Variants in NRAP observed in about 807,000 individuals in gnomAD.
NRAP encodes the protein nebulin-related-anchoring protein.
A neutral mutation model predicts 225.9 loss-of-function variants in NRAP; 189 were observed. The ratio of observed to expected loss-of-function variants is 0.84; its 90% CI spans 0.74 to 0.94. The LOEUF is 0.94. Among genes scored for constraint, NRAP ranks in the 40% least tolerant of loss-of-function variants. The probability of loss-of-function intolerance (pLI) is 0.00; values close to 1 mark genes in which losing one functional copy is unlikely to be tolerated. For synonymous variants in NRAP, 769 were observed against 790.7 expected (o/e 0.97, Z 0.46); for missense variants, 2,176 against 2,168.7 (o/e 1.00, Z -0.07).
At chr10:113,604,180 G>A (rs373688885) in intron 35 of NRAP, among the ~76,000 whole-genome samples, 30 of 152,192 alleles carry the variant, frequency 2.0e-4, no homozygotes, top group East Asian at 1.6e-3. Flanking sequence ...GCAGTGGCGC[G>A]ATCTCAGCTC....
Position 113,633,098 on chromosome 10 carries a change from T to C in NRAP, c.1618A>G (p.Lys540Glu). ...TGCTCTCTTACCTCACTGAAGAGTTTGGCATTGGTTTTGGCCTTCACCAGC... is the reference window on the plus strand; with the variant it reads ...TGCTCTCTTACCTCACTGAAGAGTTCGGCATTGGTTTTGGCCTTCACCAGC... ...PQLVKAKTNA[K>E]LFSEVKYKEG... Residue 540 changes from lysine to glutamate, a missense_variant, in exon 16 of 42, where the codon AAA becomes GAA. By Grantham distance (56) the Lys-to-Glu change is moderately conservative. Transcript: ENST00000359988. 1 of 1,575,900 alleles carries C rather than the reference T, an allele frequency of 6.3e-7. No individual in the cohort carries two copies. The highest frequency in any genetic ancestry group is 8.7e-7 in the Non-Finnish European group (1 of 1,145,368).
chr10:113,657,792 T>C (rs1564764961), intron 3 of NRAP, among the ~76,000 whole-genome samples: 1 of 152,184 alleles, frequency 6.6e-6, no homozygotes, highest in Non-Finnish European at 1.5e-5. Context: ...GTGAAGCTCT[T>C]TGAAGCAGTG....
At chr10:113,618,804 G>T (rs1398855671) in intron 25 of NRAP, among the ~76,000 whole-genome samples, 1 of 152,134 alleles carries the variant, frequency 6.6e-6, no homozygotes, top group East Asian at 1.9e-4. Flanking sequence ...GAATTAGCTG[G>T]GTGTGGTGGT....
chr10:113,620,402 A>G (rs975609953), intron 25 of NRAP, among the ~76,000 whole-genome samples: 1 of 151,966 alleles, frequency 6.6e-6, no homozygotes, highest in African/African-American at 2.4e-5. Context: ...TTTGTCACCC[A>G]CTTTGTTTTT....
chr10:113,653,993 T>C (rs1442165424), intron 5 of NRAP, 28 bp downstream of exon 5: 1 of 1,384,370 alleles, frequency 7.2e-7, no homozygotes, highest in Non-Finnish European at 1.0e-6. Flanking sequence ...GCTAAACCAA[T>C]TCCTAAAGCA....
chr10:113,589,209 C>CAAGAAAAGGGCCCTCT (rs1564686442), intron 41 of NRAP, 130 bp from the exon 42 acceptor site: 3 of 677,310 alleles, frequency 4.4e-6, no homozygotes, highest in Non-Finnish European at 4.9e-6. Flanking sequence ...TCCTTTTCCC[C>CAAGAAAAGGGCCCTCT]TCTTCTACCC....
intron 23 of NRAP, among the ~76,000 whole-genome samples, chr10:113,623,244 G>T (rs768055330): frequency 2.0e-5 from 3 of 152,146 alleles, no homozygotes; most frequent in Non-Finnish European, 2.9e-5. Context: ...GAATGTCTCT[G>T]GGCATCAATT....
chr10:113,603,175 T>A (rs1846712452), intron 35 of NRAP, among the ~76,000 whole-genome samples: 1 of 152,210 alleles, frequency 6.6e-6, no homozygotes, highest in Non-Finnish European at 1.5e-5. Flanking sequence ...GTCATTATCG[T>A]CATGTTCCAT....
intron 31 of NRAP, among the ~76,000 whole-genome samples, chr10:113,608,927 G>A (rs1847165537): frequency 6.6e-6 from 1 of 152,202 alleles, no homozygotes; most frequent in African/African-American, 2.4e-5. Flanking sequence ...AGGAGGCCAA[G>A]GCGGTGGGAT....
intron 30 of NRAP, among the ~76,000 whole-genome samples, chr10:113,611,218 G>T (rs1027564982): frequency 6.6e-6 from 1 of 152,100 alleles, no homozygotes; most frequent in South Asian, 2.1e-4. Flanking sequence ...CCCGAGATGA[G>T]CGTGGCAGCT....
At position 113,625,358 on chromosome 10, in the gene NRAP, G is replaced by A. The variant is rs533318231; in HGVS notation, c.2245-428C>T. On this transcript the variant is annotated intron_variant, in intron 21 of 41. Transcript: ENST00000359988. ...CCATAATCAACCTTAATCCATTCATGGGTACTGACACCAGGAAGTGAGCAT... is the reference window on the plus strand; with the variant it reads ...CCATAATCAACCTTAATCCATTCATAGGTACTGACACCAGGAAGTGAGCAT... Among the ~76,000 whole-genome samples, 94 of 152,226 alleles carry A rather than the reference G, an allele frequency of 6.2e-4. 1 individual carries two copies. The highest frequency in any genetic ancestry group is 2.2e-3 in the African/African-American group (92 of 41,540).
In NRAP at chr10:113,595,739, A is replaced by T. The variant is rs1242979832; in HGVS notation, c.4432-12T>A. ...GATCTATACATGCGCTGTAGATAAG[A>T]TGGGCTCATGGTAAATAGAGAACTG... is the stretch of plus-strand genomic sequence containing the variant. On this transcript the variant is annotated splice_polypyrimidine_tract_variant and intron_variant, in intron 37 of 41. Coordinates refer to ENST00000359988, the MANE Select transcript of NRAP (RefSeq NM_198060.4). 6.5e-6 allele frequency: 10 copies of T among 1,541,244 alleles called. No individual in the cohort carries two copies. Among genetic ancestry groups the T allele is most frequent in the African/African-American group, 2.7e-5 (2 of 73,400 alleles).
chr10:113,589,508 C>T (rs962460405), intron 41 of NRAP, 158 bp downstream of exon 41: 1 of 811,562 alleles, frequency 1.2e-6, no homozygotes, highest in Non-Finnish European at 1.9e-6. Flanking sequence ...GCCTGGTCAT[C>T]TCAGACCCAT....
chr10:113,597,938 G>T (rs1289833430), intron 36 of NRAP, 31 bp downstream of exon 36: 5 of 1,439,676 alleles, frequency 3.5e-6, no homozygotes, highest in Non-Finnish European at 4.9e-6. Flanking sequence ...GCTTGCCCTT[G>T]TCACTTGTGG....
intron 41 of NRAP, 47 bp downstream of exon 41, chr10:113,589,619 C>A (rs969637898): frequency 2.6e-6 from 4 of 1,517,836 alleles, no homozygotes; most frequent in Non-Finnish European, 3.5e-6. Context: ...GTTTGTCTTT[C>A]CCCATGGCCT....
At position 113,650,070 on chromosome 10, in the gene NRAP, G is replaced by C; in HGVS notation, c.855C>G (p.Ile285Met). 2 of 1,609,956 alleles carry C rather than the reference G, an allele frequency of 1.2e-6. No individual in the cohort carries two copies. Among genetic ancestry groups the C allele is most frequent in the African/African-American group, 1.3e-5 (1 of 74,922 alleles). ...MAGPAIGAEGILTRECADQYG... is the reference protein window; with the variant it reads ...MAGPAIGAEGMLTRECADQYG... ...ATTGGTCTGCACATTCCCTTGTCAA[G>C]ATGCCCTCAGCTCCAATGGCTGGAC... is the stretch of plus-strand genomic sequence containing the variant. The change falls in exon 9 of 42, where the codon ATC (isoleucine) becomes ATG (methionine). Residue 285 changes from isoleucine (I) to methionine (M), a missense_variant. Ile to Met is a conservative substitution (Grantham distance 10). This residue lies in a region of NRAP where 1,708 missense variants were observed against 1,695.5 expected (regional missense o/e 1.01). Coordinates refer to ENST00000359988, the MANE Select transcript of NRAP (RefSeq NM_198060.4).
At chr10:113,648,015 T>A (rs980529046) in intron 9 of NRAP, among the ~76,000 whole-genome samples, 1 of 152,206 alleles carries the variant, frequency 6.6e-6, no homozygotes, top group South Asian at 2.1e-4. Context: ...TGGAAGTCCC[T>A]GAGTCCTCCT....
At chr10:113,661,006 A>T (rs1382123213) in intron 3 of NRAP, among the ~76,000 whole-genome samples, 2 of 152,214 alleles carry the variant, frequency 1.3e-5, no homozygotes, top group African/African-American at 4.8e-5. Flanking sequence ...AGAACTTAGC[A>T]GAGTGTTCAG....
intron 35 of NRAP, among the ~76,000 whole-genome samples, chr10:113,602,120 C>A (rs1033399441): frequency 6.6e-6 from 1 of 152,216 alleles, no homozygotes; most frequent in Non-Finnish European, 1.5e-5. Context: ...TCAAGCAATT[C>A]ATTTACCCTG....
Sources: allele counts gnomAD v4.1 joint callset (sites outside exome capture counted in the v4.1 genomes callset), GRCh38; gene constraint gnomAD v4.1.1; regional missense constraint gnomAD v4.1.1; transcripts MANE v1.5; gene names NCBI Gene and HGNC (gene_info 2026-07-23, HGNC 2026-07-21).